The following IPPK variants were observed in gnomAD, a reference collection of about 807,000 sequenced individuals.
IPPK encodes IPK1 homolog.
A neutral mutation model predicts 64.6 loss-of-function variants in IPPK; 22 were observed. The observed-to-expected ratio is 0.34, with a 90% CI of 0.24 to 0.49. The LOEUF (loss-of-function observed/expected upper bound fraction) is 0.49. Ranked by LOEUF, IPPK falls within the 20% of genes least tolerant of loss-of-function variation. The pLI, the probability that IPPK is intolerant of heterozygous loss-of-function variation, is 0.99. For missense variants in IPPK, 532 were observed against 630.7 expected, an observed-to-expected ratio of 0.84 and a Z score of 1.68; for synonymous variants, 262 against 247.2, an observed-to-expected ratio of 1.06 and a Z score of -0.56.
chr9:92,613,228 T>C lies in IPPK; in HGVS notation c.*2604A>G. On this transcript the variant is annotated 3_prime_UTR_variant, in exon 13 of 13. Transcript: ENST00000287996. ...TTTATTCAATATAAACATTTGCTAT[T>C]TTCTGCTTAGAAACCACACCCTGAA... 1 of 1,579,774 alleles carries C rather than the reference T, an allele frequency of 6.3e-7. No homozygotes were observed. The highest frequency in any genetic ancestry group is 1.1e-5 in the South Asian group (1 of 89,350).
chr9:92,653,615 G>A (rs1056803915), intron 3 of IPPK, among the ~76,000 whole-genome samples: 1 of 152,218 alleles, frequency 6.6e-6, no homozygotes, highest in Non-Finnish European at 1.5e-5. Context: ...ACTTTGGGAG[G>A]CCGAGGCTGG....
intron 1 of IPPK, among the ~76,000 whole-genome samples, 181 bp downstream of exon 1, chr9:92,669,727 G>C (rs1436352645): frequency 6.6e-6 from 1 of 151,244 alleles, no homozygotes; most frequent in Non-Finnish European, 1.5e-5. Flanking sequence ...CTGGGGTGAT[G>C]AGGAACCCAA....
rs753133825 is a variant in IPPK, at chr9:92,642,760, G to C, written c.555C>G (p.Leu185=). 11 of 1,613,876 alleles carry C rather than the reference G, an allele frequency of 6.8e-6. No individual in the cohort carries two copies. The highest frequency in any genetic ancestry group is 1.7e-4 in the Middle Eastern group (1 of 6,054). The change falls in exon 7 of 13, where the codon CTC becomes CTG. Residue 185 remains leucine (L), a synonymous_variant. Coordinates refer to ENST00000287996, the MANE Select transcript of IPPK (RefSeq NM_022755.6). ...GAGAAGTGTTCTCTTACCCTGAGTA[G>C]AGATCAAGGGGACAGTATTTGCTGA... is the stretch of plus-strand genomic sequence containing the variant. ...KQISKYCPLD[L]YSGNKQRMHF... is the part of the protein sequence containing the mutation.
At chr9:92,654,069 A>G (rs1276219073) in intron 3 of IPPK, among the ~76,000 whole-genome samples, 1 of 152,192 alleles carries the variant, frequency 6.6e-6, no homozygotes, top group African/African-American at 2.4e-5. Flanking sequence ...CGCAGGTCTC[A>G]GGTCCACATA....
chr9:92,617,053 A>G (rs934867308), intron 12 of IPPK: 1 of 152,254 alleles, frequency 6.6e-6, no homozygotes, highest in Admixed American at 6.5e-5. Context: ...TGTTTGTAGA[A>G]AAAACAAATC....
Position 92,635,479 on chromosome 9 carries a change from C to T in IPPK, c.917-171G>A, listed in dbSNP as rs779858726. On this transcript the variant is annotated intron_variant, in intron 9 of 12. Coordinates refer to ENST00000287996, the MANE Select transcript of IPPK (RefSeq NM_022755.6). The surrounding 1 kb of genome is among the most constrained non-coding windows in gnomAD (Gnocchi z 4.4). ...CTAAGGACAGACGAGATGACGCTCC[C>T]GCCTCACAGAGCTGCTGGAGCTGCA... 3.3e-5 allele frequency among the ~76,000 whole-genome samples: 5 copies of T among 152,206 alleles called. No individual in the cohort carries two copies. The highest frequency in any genetic ancestry group is 5.9e-5 in the Non-Finnish European group (4 of 68,034).
chr9:92,652,542 C>T, intron 4 of IPPK, 31 bp downstream of exon 4: 2 of 1,190,620 alleles, frequency 1.7e-6, no homozygotes, highest in East Asian at 2.5e-5. Context: ...TTTTAAATTA[C>T]AAACAATATC....
At chr9:92,618,055 C>G (rs547799911) in intron 12 of IPPK, 20 of 353,656 alleles carry the variant, frequency 5.7e-5, no homozygotes, top group African/African-American at 3.2e-4. Context: ...TAAATCCCAG[C>G]CTTAGTTTGT....
Position 92,652,565 on chromosome 9 carries a change from A to G in IPPK, c.292+8T>C. The G allele has an allele frequency of 2.0e-6, 3 of 1,478,664 alleles. No homozygotes were observed. The highest frequency in any genetic ancestry group is 2.8e-6 in the Non-Finnish European group (3 of 1,080,800). The allele number at this position is 1,478,664 out of a possible 1,614,324, so 91.6% of individuals were successfully genotyped here. A position where few individuals can be genotyped will look rare whatever the true frequency, so the allele number is the denominator to read the frequency against. ...TACAAACAATATCTGTAAGTTAAAC[A>G]CCCTTACCTGGTCTTTCAGATTGTA... On this transcript the variant is annotated splice_region_variant and intron_variant, in intron 4 of 12. Coordinates refer to ENST00000287996, the MANE Select transcript of IPPK (RefSeq NM_022755.6).
Position 92,635,640 on chromosome 9 carries a change from G to A in IPPK, c.917-332C>T, listed in dbSNP as rs1478760160. Among the ~76,000 whole-genome samples the A allele has an allele frequency of 6.6e-6, 1 of 152,086 alleles. No individual in the cohort carries two copies. The highest frequency in any genetic ancestry group is 1.9e-4 in the East Asian group (1 of 5,186). On this transcript the variant is annotated intron_variant, in intron 9 of 12. Transcript: ENST00000287996. The surrounding 1 kb of genome is among the most constrained non-coding windows in gnomAD (Gnocchi z 4.4). Reference sequence around the variant, plus strand: ...TTTAGATTCCACCACAACAGCCCTGGAAGTCACTTTATGATCTAAGTTTAG... The same window carrying A: ...TTTAGATTCCACCACAACAGCCCTGAAAGTCACTTTATGATCTAAGTTTAG...
intron 5 of IPPK, 73 bp downstream of exon 5, chr9:92,649,379 AC>A: frequency 6.4e-7 from 1 of 1,566,872 alleles, no homozygotes; most frequent in Non-Finnish European, 8.7e-7. Context: ...AACCCAAGGC[AC>A]GTGACTCTTG....
chr9:92,633,749 G>GC (rs1851886227), intron 11 of IPPK, among the ~76,000 whole-genome samples: 1 of 152,192 alleles, frequency 6.6e-6, no homozygotes. Context: ...CGGAAAGTCT[G>GC]TTTTTTTATT....
At chr9:92,652,234 G>A (rs1324306002) in intron 4 of IPPK, among the ~76,000 whole-genome samples, 3 of 151,936 alleles carry the variant, frequency 2.0e-5, no homozygotes, top group Non-Finnish European at 4.4e-5. Flanking sequence ...TGGATCACGA[G>A]GTCAGGAGAT....
At chr9:92,653,762 T>C (rs1463423123) in intron 3 of IPPK, among the ~76,000 whole-genome samples, 2 of 152,176 alleles carry the variant, frequency 1.3e-5, no homozygotes, top group African/African-American at 2.4e-5. Context: ...GGCAGGAGAA[T>C]TGCTTGAACC....
chr9:92,619,639 T>A, intron 11 of IPPK, 74 bp from the exon 12 acceptor site: 1 of 1,311,746 alleles, frequency 7.6e-7, no homozygotes, highest in Non-Finnish European at 1.1e-6. Flanking sequence ...TCCTTCCCAG[T>A]AGCCAAGTGT....
chr9:92,637,956 G>A, intron 9 of IPPK, 45 bp downstream of exon 9: 2 of 1,473,668 alleles, frequency 1.4e-6, no homozygotes, highest in South Asian at 1.4e-5. Context: ...GAGTCCCAAG[G>A]CCCCTGCGGC....
rs193285175 is a variant in IPPK, at chr9:92,666,354, C to T, written c.81+3554G>A. 4.6e-4 allele frequency among the ~76,000 whole-genome samples: 70 copies of T among 152,238 alleles called. 1 individual carries two copies. The highest frequency in any genetic ancestry group is 7.2e-4 in the Non-Finnish European group (49 of 68,034). ...TGAGCCAAAACCAACAAGCTGAAGG[C>T]GAAGGAGGCAGGCGCAGGCGTCACA... On this transcript the variant is annotated intron_variant, in intron 1 of 12. Transcript: ENST00000287996.
intron 11 of IPPK, among the ~76,000 whole-genome samples, chr9:92,632,871 G>A (rs1851870218): frequency 6.6e-6 from 1 of 152,210 alleles, no homozygotes; most frequent in African/African-American, 2.4e-5. Flanking sequence ...CAGGGCAAGT[G>A]GGTCCCAGGG....
chr9:92,635,710 CTT>C lies in IPPK; in HGVS notation c.917-404_917-403del, dbSNP rs1179472540. Among the ~76,000 whole-genome samples the C allele has an allele frequency of 6.6e-6, 1 of 151,624 alleles. No homozygotes were observed. Among genetic ancestry groups the C allele is most frequent in the African/African-American group, 2.4e-5 (1 of 41,258 alleles). On this transcript the variant is annotated intron_variant, in intron 9 of 12. Coordinates refer to ENST00000287996, the MANE Select transcript of IPPK (RefSeq NM_022755.6). The surrounding 1 kb of genome is among the most constrained non-coding windows in gnomAD (Gnocchi z 4.4). Reference sequence around the variant, plus strand: ...TCAGGTCACAAAATTTCTTCTTTTTCTTTTCTTTTTTTTTTTTGAGACAGAGT... The same window carrying C: ...TCAGGTCACAAAATTTCTTCTTTTTCTTCTTTTTTTTTTTTGAGACAGAGT...
Sources: allele counts gnomAD v4.1 joint callset (sites outside exome capture counted in the v4.1 genomes callset), GRCh38; gene constraint gnomAD v4.1.1; non-coding constraint Gnocchi (gnomAD v3.1); transcripts MANE v1.5; gene names NCBI Gene and HGNC (gene_info 2026-07-23, HGNC 2026-07-21).